Variants in PLCB4 observed in about 807,000 individuals in gnomAD.
The protein encoded by PLCB4 is phospholipase C beta 4.
A neutral mutation model predicts 178.8 loss-of-function variants in PLCB4; 77 were observed. That is an observed-to-expected ratio of 0.43 (90% CI 0.36 to 0.52). The LOEUF (loss-of-function observed/expected upper bound fraction) is 0.52. PLCB4 is among the 20% of genes least tolerant of loss of function. PLCB4 has a pLI of 0.00. For missense variants in PLCB4, 1,024 were observed against 1,453.4 expected (o/e 0.70, Z 4.80); for synonymous variants, 496 against 490.8 (o/e 1.01, Z -0.14).
At chr20:9,419,143 G>A (rs2040453831) in intron 25 of PLCB4, among the ~76,000 whole-genome samples, 1 of 151,900 alleles carries the variant, frequency 6.6e-6, no homozygotes, top group South Asian at 2.1e-4. Context: ...CAATCTGGAT[G>A]CCTTTTAATT....
intron 2 of PLCB4, among the ~76,000 whole-genome samples, chr20:9,213,770 A>C (rs2093699082): frequency 6.6e-6 from 1 of 152,200 alleles, no homozygotes; most frequent in Non-Finnish European, 1.5e-5. Context: ...ATCATTTTAC[A>C]TTTCCACCAG....
rs766606742 is a variant in PLCB4, at chr20:9,478,948, T to C, written c.3560T>C (p.Ile1187Thr). 12 of 1,613,474 alleles carry C rather than the reference T, an allele frequency of 7.4e-6. No homozygotes were observed. Among genetic ancestry groups the C allele is most frequent in the East Asian group, 2.2e-5 (1 of 44,884 alleles). ...QGEGDAADGE[I>T]GSRDGPQTSN... ...GAAGGAGATGCAGCAGATGGTGAAA[T>C]TGGAAGCCGAGATGGACCGCAGACC... The change falls in exon 40 of 40, where the codon ATT becomes ACT. Residue 1187 changes from isoleucine (I) to threonine (T), a missense_variant. By Grantham distance (89) the Ile-to-Thr change is moderately conservative. Around this residue, in one of 7 missense-constraint regions of PLCB4, gnomAD observed 264 missense variants for 283.2 expected, o/e 0.93. Coordinates refer to ENST00000378473, the MANE Select transcript of PLCB4 (RefSeq NM_001377142.1).
chr20:9,304,693 G>A (rs2094744824), intron 3 of PLCB4, among the ~76,000 whole-genome samples: 1 of 151,964 alleles, frequency 6.6e-6, no homozygotes, highest in Non-Finnish European at 1.5e-5. Context: ...TTGTGATGCT[G>A]CGTGCTCACA....
At chr20:9,441,447 G>C (rs1362107048) in intron 30 of PLCB4, among the ~76,000 whole-genome samples, 1 of 152,168 alleles carries the variant, frequency 6.6e-6, no homozygotes, top group Non-Finnish European at 1.5e-5. Context: ...TCACCCCAAA[G>C]ACCCTGAGAG....
At chr20:9,359,828 T>C (rs2035165083) in intron 7 of PLCB4, among the ~76,000 whole-genome samples, 1 of 152,170 alleles carries the variant, frequency 6.6e-6, no homozygotes. Flanking sequence ...GTCAAACAAG[T>C]TGATAGGCAT....
At chr20:9,348,801 G>A (rs932341466) in intron 7 of PLCB4, among the ~76,000 whole-genome samples, 5 of 152,094 alleles carry the variant, frequency 3.3e-5, no homozygotes, top group South Asian at 4.2e-4. Context: ...TGTTGTTTTC[G>A]GGGAATTTTG....
intron 1 of PLCB4, among the ~76,000 whole-genome samples, chr20:9,084,277 A>C (rs2090297234): frequency 6.6e-6 from 1 of 152,198 alleles, no homozygotes; most frequent in East Asian, 1.9e-4. Context: ...TAATTAAAAC[A>C]TGTTAAATGA....
At chr20:9,362,841 T>TGGCCGGGCGCGGTGG (rs2035463075) in intron 7 of PLCB4, 55 bp from the exon 8 acceptor site, 1 of 1,082,878 alleles carries the variant, frequency 9.2e-7, no homozygotes, top group Non-Finnish European at 1.4e-6. Context: ...TAAAAACTGC[T>TGGCCGGGCGCGGTGG]CTATTTGACT....
chr20:9,250,965 T>C (rs913528201), intron 3 of PLCB4, among the ~76,000 whole-genome samples: 1 of 152,250 alleles, frequency 6.6e-6, no homozygotes, highest in Non-Finnish European at 1.5e-5. Flanking sequence ...GTAGTGACTA[T>C]GCATGTCCAA....
chr20:9,362,602 A>C (rs2035438127), intron 7 of PLCB4, among the ~76,000 whole-genome samples: 1 of 152,252 alleles, frequency 6.6e-6, no homozygotes, highest in South Asian at 2.1e-4. Context: ...TTATATTTAA[A>C]CAAGCTGCAA....
intron 3 of PLCB4, among the ~76,000 whole-genome samples, chr20:9,247,034 A>C (rs573171580): frequency 1.5e-3 from 232 of 152,288 alleles, no homozygotes; most frequent in African/African-American, 3.7e-3. Context: ...CTTAGTTACT[A>C]TTATTTCAAA....
At chr20:9,181,127 T>C (rs959073274) in intron 2 of PLCB4, among the ~76,000 whole-genome samples, 4 of 152,190 alleles carry the variant, frequency 2.6e-5, no homozygotes, top group Non-Finnish European at 5.9e-5. Context: ...TTGCCATTCA[T>C]AGAGGGTCAT....
At chr20:9,350,485 G>A (rs1186533652) in intron 7 of PLCB4, among the ~76,000 whole-genome samples, 3 of 152,124 alleles carry the variant, frequency 2.0e-5, no homozygotes, top group Non-Finnish European at 4.4e-5. Context: ...CCAGGCAGTG[G>A]CTCTCTCTAG....
At chr20:9,353,892 T>G (rs987272703) in intron 7 of PLCB4, among the ~76,000 whole-genome samples, 1 of 152,204 alleles carries the variant, frequency 6.6e-6, no homozygotes, top group Non-Finnish European at 1.5e-5. Flanking sequence ...AGTCATGTTC[T>G]GATCATGTAC....
intron 1 of PLCB4, among the ~76,000 whole-genome samples, chr20:9,092,112 T>C (rs2090710933): frequency 6.6e-6 from 1 of 152,162 alleles, no homozygotes; most frequent in Non-Finnish European, 1.5e-5. Flanking sequence ...TTTTCTGTTT[T>C]TTAGTGATGT....
At chr20:9,245,356 C>G (rs934204905) in intron 3 of PLCB4, among the ~76,000 whole-genome samples, 1 of 152,058 alleles carries the variant, frequency 6.6e-6, no homozygotes, top group Non-Finnish European at 1.5e-5. Context: ...AAAAAGGGCT[C>G]ACAAAATCCA....
chr20:9,176,146 A>G (rs2093150907), intron 2 of PLCB4, among the ~76,000 whole-genome samples: 1 of 152,178 alleles, frequency 6.6e-6, no homozygotes, highest in Non-Finnish European at 1.5e-5. Context: ...TTCTTTCAGA[A>G]TTATGTTTCA....
At chr20:9,234,841 T>C (rs2093975484) in intron 3 of PLCB4, among the ~76,000 whole-genome samples, 1 of 152,148 alleles carries the variant, frequency 6.6e-6, no homozygotes, top group African/African-American at 2.4e-5. Context: ...AGAGTGGAAA[T>C]GTAAATACCC....
intron 28 of PLCB4, among the ~76,000 whole-genome samples, chr20:9,425,182 A>G (rs1883489): frequency 0.16 from 23,766 of 152,126 alleles, 3,113 homozygotes; most frequent in African/African-American, 0.34. Flanking sequence ...GACAAGTGGT[A>G]GGTTTAGGAG....
Sources: gnomAD v4.1 joint callset for allele counts (sites outside exome capture counted in the v4.1 genomes callset) on GRCh38, gnomAD v4.1.1 for gene constraint, gnomAD v4.1.1 regional missense constraint, MANE v1.5 for transcripts, NCBI Gene and HGNC (gene_info 2026-07-23, HGNC 2026-07-21) for gene names.